The following C16orf96 variants were observed in gnomAD, a reference collection of about 807,000 sequenced individuals.
C16orf96 encodes chromosome 16 open reading frame 96.
A neutral mutation model predicts 103.6 loss-of-function variants in C16orf96; 108 were observed. That is an observed-to-expected ratio of 1.04 (90% confidence interval 0.89 to 1.22). C16orf96 has a LOEUF of 1.22. C16orf96 is among the 50% of genes most tolerant of loss of function. The pLI, the probability that C16orf96 is intolerant of heterozygous loss-of-function variation, is 0.00. For missense variants in C16orf96, 1,586 were observed against 1,464.2 expected, an observed-to-expected ratio of 1.08 and a Z score of -1.36; for synonymous variants, 566 against 593.5, an observed-to-expected ratio of 0.95 and a Z score of 0.67.
the C16orf96 span, among the ~76,000 whole-genome samples, chr16:4,548,291 C>T: frequency 1.3e-5 from 2 of 152,154 alleles, no homozygotes; most frequent in Admixed American, 6.5e-5. Flanking sequence ...TCCTGGGCAA[C>T]GTTCACTTTC....
At chr16:4,564,989 A>G (rs568348883) in intron 1 of C16orf96, among the ~76,000 whole-genome samples, 1 of 152,190 alleles carries the variant, frequency 6.6e-6, no homozygotes, top group African/African-American at 2.4e-5. Context: ...GTGCTCTTAC[A>G]TTCCTCGTTT....
intron 9 of C16orf96, among the ~76,000 whole-genome samples, chr16:4,589,533 G>A (rs1040614413): frequency 2.0e-5 from 3 of 151,168 alleles, no homozygotes; most frequent in Non-Finnish European, 4.4e-5. Flanking sequence ...AACCAAAATC[G>A]TGCCACTGCA....
Position 4,591,795 on chromosome 16 carries a change from G to T in C16orf96, c.2711+11G>T. Reference sequence around the variant, plus strand: ...TGCTGGCTTTAGGAGGTGAGTGCCCGCCCGAGCCCCTCCTGGTAGGGGTCC... The same window carrying T: ...TGCTGGCTTTAGGAGGTGAGTGCCCTCCCGAGCCCCTCCTGGTAGGGGTCC... On this transcript the variant is annotated intron_variant, in intron 10 of 15. Transcript: ENST00000444310. 1 of 1,493,178 alleles carries T rather than the reference G, an allele frequency of 6.7e-7. No individual in the cohort carries two copies. Among genetic ancestry groups the T allele is most frequent in the Non-Finnish European group, 9.0e-7 (1 of 1,114,260 alleles). The allele number at this position is 1,493,178 out of a possible 1,614,324, so 92.5% of individuals were successfully genotyped here. A position where few individuals can be genotyped will look rare whatever the true frequency, so the allele number is the denominator to read the frequency against.
At chr16:4,543,358 G>C in the C16orf96 span, among the ~76,000 whole-genome samples, 1 of 152,120 alleles carries the variant, frequency 6.6e-6, no homozygotes, top group African/African-American at 2.4e-5. Flanking sequence ...CAGAGGGTGA[G>C]GAAACATGAG....
intron 1 of C16orf96, among the ~76,000 whole-genome samples, chr16:4,558,471 C>T (rs571665044): frequency 3.3e-5 from 5 of 152,074 alleles, no homozygotes; most frequent in South Asian, 4.2e-4. Context: ...ATAAATTAGC[C>T]GGGTGTGGTG....
Position 4,588,196 on chromosome 16 carries a change from G to T in C16orf96, c.2457G>T (p.Lys819Asn). The stretch of plus-strand genomic sequence containing the variant: ...CTGACAGGAGTGCCCTGGCAGGCAA[G>T]GCAAGCCGCGTTGACCTGGAGACTG... ...EKADRSALAG[K>N]ASRVDLETVA... The change falls in exon 9 of 16, where the codon AAG (lysine) becomes AAT (asparagine). Residue 819 changes from lysine (K) to asparagine (N), a missense_variant. Lys to Asn is a moderately conservative substitution (Grantham distance 94). Coordinates refer to ENST00000444310, the MANE Select transcript of C16orf96 (RefSeq NM_001145011.2). 6.4e-7 allele frequency: 1 copy of T among 1,551,546 alleles called. No individual in the cohort carries two copies. Among genetic ancestry groups the T allele is most frequent in the Non-Finnish European group, 8.7e-7 (1 of 1,146,948 alleles).
chr16:4,600,418 G>T lies in C16orf96; in HGVS notation c.*101G>T. The stretch of plus-strand genomic sequence containing the variant: ...CCACCAAGTCCCCTCCACATCGGAG[G>T]CTGAGGCCTATGTGGCCCCCCACCC... On this transcript the variant is annotated 3_prime_UTR_variant, in exon 16 of 16. Coordinates refer to ENST00000444310, the MANE Select transcript of C16orf96 (RefSeq NM_001145011.2). 1.2e-6 allele frequency: 1 copy of T among 843,890 alleles called. No homozygotes were observed. Among genetic ancestry groups the T allele is most frequent in the Non-Finnish European group, 1.9e-6 (1 of 538,800 alleles). The allele number at this position is 843,890 out of a possible 1,614,324, so 52.3% of individuals were successfully genotyped here.
Position 4,593,592 on chromosome 16 carries a change from C to T in C16orf96, c.2867+276C>T, listed in dbSNP as rs796390317. ...GTTTCTTATTTAAATCTCACAACCC[C>T]CTGTGAGCTAGGGTTCCTATGCCCA... On this transcript the variant is annotated intron_variant, in intron 12 of 15. Transcript: ENST00000444310. The surrounding 1 kb of genome is among the most constrained non-coding windows in gnomAD (Gnocchi z 4.2). 6.6e-5 allele frequency among the ~76,000 whole-genome samples: 10 copies of T among 152,056 alleles called. No individual in the cohort carries two copies. Among genetic ancestry groups the T allele is most frequent in the African/African-American group, 2.2e-4 (9 of 41,474 alleles).
intron 7 of C16orf96, among the ~76,000 whole-genome samples, chr16:4,581,458 C>A (rs992894147): frequency 1.3e-5 from 2 of 151,382 alleles, no homozygotes; most frequent in African/African-American, 4.9e-5. Flanking sequence ...GTGGTGAAAC[C>A]CCATCTCTAC....
Position 4,576,308 on chromosome 16 carries a change from G to T in C16orf96, c.1828G>T (p.Asp610Tyr). The stretch of plus-strand genomic sequence containing the variant: ...CACCAAAATGGCCGCCATTGCAACA[G>T]ACACGGCTGCAGCTGGGCCCCTAGG... ...PATKMAAIATDTAAAGPLGVF... is the reference protein window; with the variant it reads ...PATKMAAIATYTAAAGPLGVF... The change falls in exon 5 of 16, where the codon GAC becomes TAC. Residue 610 changes from aspartate (D) to tyrosine (Y), a missense_variant. Physicochemically the swap from Asp to Tyr is radical, Grantham distance 160 (BLOSUM62 -3). Transcript: ENST00000444310. The T allele has an allele frequency of 6.4e-7, 1 of 1,550,796 alleles. No homozygotes were observed. Among genetic ancestry groups the T allele is most frequent in the Non-Finnish European group, 8.7e-7 (1 of 1,147,012 alleles).
chr16:4,548,148 A>C, the C16orf96 span, among the ~76,000 whole-genome samples: 1 of 152,298 alleles, frequency 6.6e-6, no homozygotes, highest in East Asian at 1.9e-4. Context: ...ATGAAATAAC[A>C]AAGTAAACGC....
rs756562212 is a variant in C16orf96, at chr16:4,594,473, A to G, written c.2990A>G (p.Tyr997Cys). Reference sequence around the variant, plus strand: ...AAGTCCTGCAACCTGTTGACGCTCTATCCCTACGGGGATCCCCACGTGATC... The same window carrying G: ...AAGTCCTGCAACCTGTTGACGCTCTGTCCCTACGGGGATCCCCACGTGATC... ...KCKSCNLLTLYPYGDPHVIDY... is the reference protein window; with the variant it reads ...KCKSCNLLTLCPYGDPHVIDY... The change falls in exon 13 of 16, where the codon TAT becomes TGT. Residue 997 changes from tyrosine to cysteine, a missense_variant. Physicochemically the swap from Tyr to Cys is radical, Grantham distance 194 (BLOSUM62 -2). Transcript: ENST00000444310. 25 of 1,551,384 alleles carry G rather than the reference A, an allele frequency of 1.6e-5. No homozygotes were observed. The highest frequency in any genetic ancestry group is 9.8e-5 in the Admixed American group (5 of 50,994).
upstream of C16orf96, among the ~76,000 whole-genome samples, chr16:4,555,686 T>C (rs1426540095): frequency 2.7e-5 from 4 of 150,450 alleles, no homozygotes; most frequent in East Asian, 3.9e-4. Flanking sequence ...TCTTTTCTTT[T>C]TCTTTTCTTT....
At chr16:4,551,480 C>T (rs2059227208), upstream of C16orf96, among the ~76,000 whole-genome samples, 1 of 152,162 alleles carries the variant, frequency 6.6e-6, no homozygotes. Context: ...GAGACGGAGT[C>T]TTGCTCTGTC....
upstream of C16orf96, among the ~76,000 whole-genome samples, chr16:4,555,580 C>G (rs1224281378): frequency 1.3e-5 from 2 of 152,066 alleles, no homozygotes; most frequent in East Asian, 3.9e-4. Context: ...ACCGTCTTGG[C>G]CAGGCTAGTC....
chr16:4,584,449 G>A (rs1045326303), intron 7 of C16orf96, among the ~76,000 whole-genome samples: 4 of 147,840 alleles, frequency 2.7e-5, no homozygotes, highest in Non-Finnish European at 5.9e-5. Flanking sequence ...CCGGGTTCAA[G>A]CAATTCTTCT....
At chr16:4,566,274 CT>C (rs1380545222) in intron 1 of C16orf96, among the ~76,000 whole-genome samples, 2 of 152,198 alleles carry the variant, frequency 1.3e-5, no homozygotes, top group Non-Finnish European at 2.9e-5. Flanking sequence ...TCTAAAATGG[CT>C]GCACAATTTA....
chr16:4,539,918 C>A, the C16orf96 span, among the ~76,000 whole-genome samples: 23 of 152,204 alleles, frequency 1.5e-4, no homozygotes, highest in African/African-American at 5.3e-4. Flanking sequence ...TTTCATCTCC[C>A]ACCCCACCAA....
chr16:4,563,927 G>A (rs183609856), intron 1 of C16orf96, among the ~76,000 whole-genome samples: 2 of 151,616 alleles, frequency 1.3e-5, no homozygotes, highest in Admixed American at 1.3e-4. Context: ...GCCAGGTGTG[G>A]TGGCTCCCAC....
Sources: allele counts gnomAD v4.1 joint callset (sites outside exome capture counted in the v4.1 genomes callset), GRCh38; gene constraint gnomAD v4.1.1; non-coding constraint Gnocchi (gnomAD v3.1); transcripts MANE v1.5; gene names NCBI Gene and HGNC (gene_info 2026-07-23, HGNC 2026-07-21).